Variants in MBP observed in about 807,000 individuals in gnomAD.
The protein encoded by MBP is myelin basic protein, also known as Golli-MBP.
A neutral mutation model predicts 35.8 loss-of-function variants in MBP; 16 were observed. The observed-to-expected ratio is 0.45, with a 90% CI of 0.30 to 0.68. The LOEUF is 0.68. Ranked by LOEUF, MBP falls within the 30% of genes least tolerant of loss-of-function variation. MBP has a pLI of 0.08. For missense variants in MBP, 380 were observed against 404.7 expected (o/e 0.94, Z 0.52); for synonymous variants, 143 against 159.6 (o/e 0.90, Z 0.78).
At chr18:77,056,132 C>T (rs560675875) in intron 3 of MBP, among the ~76,000 whole-genome samples, 1 of 149,720 alleles carries the variant, frequency 6.7e-6, no homozygotes, top group African/African-American at 2.4e-5. Flanking sequence ...TATCCGTGAC[C>T]CCGTGCGCCC....
rs1969422600 is a variant in MBP at position 76,984,523 on chromosome 18, C to T, written c.870+252G>A. 8 of 492,966 alleles carry T rather than the reference C, an allele frequency of 1.6e-5. No individual in the cohort carries two copies. In the South Asian group the frequency reaches 1.8e-4, roughly 11 times the overall value. The allele number at this position is 492,966 out of a possible 1,614,324, so 30.5% of individuals were successfully genotyped here. ...CAGAGTCAAGGTCAGTCGCCTGCTC[C>T]AGGGCCCCTGAACCAGCCCAGGCGC... On this transcript the variant is annotated intron_variant, in intron 8 of 8. Coordinates refer to ENST00000355994, the MANE Select transcript of MBP (RefSeq NM_001025101.2).
At chr18:77,094,136 C>T (rs755223213) in intron 2 of MBP, among the ~76,000 whole-genome samples, 1 of 152,122 alleles carries the variant, frequency 6.6e-6, no homozygotes, top group African/African-American at 2.4e-5. Context: ...ACCACTACAC[C>T]TGGCTAATTT....
chr18:76,997,294 G>A (rs1316399349), intron 4 of MBP, among the ~76,000 whole-genome samples: 1 of 152,246 alleles, frequency 6.6e-6, no homozygotes, highest in Non-Finnish European at 1.5e-5. Context: ...TGGCAGCCTT[G>A]TGAAAAGAGC....
chr18:77,130,560 T>C (rs1977207643), intron 1 of MBP, among the ~76,000 whole-genome samples: 1 of 151,944 alleles, frequency 6.6e-6, no homozygotes, highest in South Asian at 2.1e-4. Flanking sequence ...AGGCAGCTGC[T>C]CATCTTAAGC....
Position 77,101,796 on chromosome 18 carries a change from A to G in MBP, c.51+3415T>C, listed in dbSNP as rs1018066826. Among the ~76,000 whole-genome samples, 18 of 152,234 alleles carry G rather than the reference A, an allele frequency of 1.2e-4. No individual in the cohort carries two copies. Among genetic ancestry groups the G allele is most frequent in the African/African-American group, 4.1e-4 (17 of 41,458 alleles). Reference sequence around the variant, plus strand: ...GAGTCACTGAGGGCAAAACTTGCAAAGGAGACTGGAAGCTCCTGCAGGCAA... The same window carrying G: ...GAGTCACTGAGGGCAAAACTTGCAAGGGAGACTGGAAGCTCCTGCAGGCAA... On this transcript the variant is annotated intron_variant, in intron 2 of 8. Coordinates refer to ENST00000355994, the MANE Select transcript of MBP (RefSeq NM_001025101.2). The surrounding 1 kb of genome is among the most constrained non-coding windows in gnomAD (Gnocchi z 4.3).
intron 1 of MBP, among the ~76,000 whole-genome samples, chr18:77,122,200 CAT>C (rs1976904841): frequency 6.6e-6 from 1 of 152,168 alleles, no homozygotes; most frequent in Non-Finnish European, 1.5e-5. Flanking sequence ...GGGGCTAACA[CAT>C]GTTTTAACAG....
intron 4 of MBP, chr18:77,004,241 G>A (rs1042478559): frequency 2.6e-5 from 4 of 151,328 alleles, no homozygotes; most frequent in Non-Finnish European, 4.4e-5. Flanking sequence ...TTAAATAATA[G>A]CTTCCTCTGA....
In MBP at chr18:76,986,400, A is replaced by T. The variant is rs571248526; in HGVS notation, c.751-1506T>A. ...CTCTTATTTAGAGGTGAGGAAGATG[A>T]CACCAGAGGCCTCAAGGCTTCCAGA... On this transcript the variant is annotated intron_variant, in intron 7 of 8. Transcript: ENST00000355994. 48 of 985,464 alleles carry T rather than the reference A, an allele frequency of 4.9e-5. No individual in the cohort carries two copies. The African/African-American group carries it at 8.2e-4, about 17-fold the overall frequency. The allele number at this position is 985,464 out of a possible 1,614,324, so 61.0% of individuals were successfully genotyped here. A position where few individuals can be genotyped will look rare whatever the true frequency, so the allele number is the denominator to read the frequency against.
chr18:77,081,762 A>ACACACACACACACACG (rs1974911508), intron 2 of MBP, among the ~76,000 whole-genome samples: 1 of 123,048 alleles, frequency 8.1e-6, no homozygotes, highest in Non-Finnish European at 1.8e-5. Context: ...ATATATATAT[A>ACACACACACACACACG]TATATACACA....
At position 77,017,103 on chromosome 18, in the gene MBP, C is replaced by A. The variant is rs775892405; in HGVS notation, c.305G>T (p.Arg102Met). Residue 102 changes from arginine to methionine, a missense_variant, in exon 4 of 9, where the codon AGG becomes ATG. Coordinates refer to ENST00000355994, the MANE Select transcript of MBP (RefSeq NM_001025101.2). ...IRLFSRDAPG[R>M]EDNTFKDRPS... Reference sequence around the variant, plus strand: ...CCTGTCTTTGAAGGTGTTGTCCTCCCTCCCCGGGGCATCTCGGGAAAAGAG... The same window carrying A: ...CCTGTCTTTGAAGGTGTTGTCCTCCATCCCCGGGGCATCTCGGGAAAAGAG... 6.3e-7 allele frequency: 1 copy of A among 1,594,764 alleles called. No homozygotes were observed. Among genetic ancestry groups the A allele is most frequent in the South Asian group, 1.1e-5 (1 of 90,474 alleles).
intron 1 of MBP, among the ~76,000 whole-genome samples, chr18:77,125,785 C>A (rs1977029027): frequency 6.6e-6 from 1 of 151,394 alleles, no homozygotes. Flanking sequence ...AAAATATGTA[C>A]ACCTAGTTCA....
chr18:77,071,980 G>T (rs1180116772), intron 2 of MBP, among the ~76,000 whole-genome samples: 2 of 152,096 alleles, frequency 1.3e-5, no homozygotes, highest in Non-Finnish European at 2.9e-5. Context: ...AGTTGCAACT[G>T]TCTTCCCCCT....
intron 4 of MBP, among the ~76,000 whole-genome samples, chr18:77,008,440 C>T (rs1354454013): frequency 2.0e-5 from 3 of 152,182 alleles, no homozygotes; most frequent in Admixed American, 1.3e-4. Context: ...AAACCAAGTG[C>T]GGCTTCACAA....
intron 3 of MBP, among the ~76,000 whole-genome samples, chr18:77,060,843 G>T (rs751444265): frequency 4.6e-5 from 7 of 152,234 alleles, no homozygotes; most frequent in African/African-American, 7.2e-5. Context: ...GAGAGATGAA[G>T]TCGCACCCCC....
intron 1 of MBP, among the ~76,000 whole-genome samples, chr18:77,125,703 A>G (rs1480828249): frequency 1.3e-5 from 2 of 152,160 alleles, no homozygotes; most frequent in African/African-American, 4.8e-5. Flanking sequence ...TCATAGCGTA[A>G]ATCTATAGCC....
Position 77,016,633 on chromosome 18 carries a change from G to A in MBP, c.576+199C>T, listed in dbSNP as rs929550168. On this transcript the variant is annotated intron_variant, in intron 4 of 8. Transcript: ENST00000355994. ...CCACCATCCCTTGTGAGGAAAAGAG[G>A]GGGTGAGTTAAACGAAAACGTCCTA... 18 of 1,418,404 alleles carry A rather than the reference G, an allele frequency of 1.3e-5. No individual in the cohort carries two copies. The South Asian group carries it at 2.2e-4, about 18-fold the overall frequency. 87.9% of individuals were successfully genotyped at this position (1,418,404 alleles called of 1,614,324 possible). A position where few individuals can be genotyped will look rare whatever the true frequency, so the allele number is the denominator to read the frequency against.
At chr18:77,018,292 T>C (rs1338092501) in intron 3 of MBP, among the ~76,000 whole-genome samples, 121 of 74,536 alleles carry the variant, frequency 1.6e-3, no homozygotes, top group Non-Finnish European at 1.7e-3. Context: ...ATCCATCCAC[T>C]CATGCATCCA....
chr18:77,076,336 T>G (rs148158630), intron 2 of MBP, among the ~76,000 whole-genome samples: 71 of 152,322 alleles, frequency 4.7e-4, no homozygotes, highest in African/African-American at 1.6e-3. Flanking sequence ...GGTGGGCCGT[T>G]TGAGTGCCCC....
intron 2 of MBP, among the ~76,000 whole-genome samples, chr18:77,067,140 T>C (rs143427428): frequency 8.9e-4 from 136 of 152,372 alleles, no homozygotes; most frequent in African/African-American, 3.1e-3. Context: ...CACTTGCACA[T>C]TGAATGATTC....
Sources: gnomAD v4.1 joint callset for allele counts (sites outside exome capture counted in the v4.1 genomes callset) on GRCh38, gnomAD v4.1.1 for gene constraint, Gnocchi (gnomAD v3.1) non-coding constraint, MANE v1.5 for transcripts, NCBI Gene and HGNC (gene_info 2026-07-23, HGNC 2026-07-21) for gene names.